The following PSMA4 variants were observed in gnomAD, a reference collection of about 807,000 sequenced individuals.
PSMA4 encodes the protein proteasome subunit alpha type-4.
PSMA4 carries 8 observed loss-of-function variants against 37.2 expected under a neutral mutation model. That is an observed-to-expected ratio of 0.22 (90% confidence interval 0.13 to 0.39). The LOEUF (loss-of-function observed/expected upper bound fraction) is 0.39, where lower values mean the gene tolerates loss of function less well. Among genes scored for constraint, PSMA4 ranks in the 10% least tolerant of loss-of-function variants. The probability of loss-of-function intolerance (pLI) is 1.00; values close to 1 mark genes in which losing one functional copy is unlikely to be tolerated. For synonymous variants in PSMA4, 93 were observed against 98.8 expected (o/e 0.94, Z 0.35); for missense variants, 169 against 305.1 (o/e 0.55, Z 3.32).
chr15:78,546,868 T>C (rs1001723229), intron 8 of PSMA4, among the ~76,000 whole-genome samples, 170 bp downstream of exon 8: 2 of 151,354 alleles, frequency 1.3e-5, no homozygotes, highest in Admixed American at 6.6e-5. Context: ...TTGGTTCAAG[T>C]GATTCTCCTG....
intron 8 of PSMA4, among the ~76,000 whole-genome samples, chr15:78,548,003 G>A (rs748405499): frequency 2.0e-5 from 3 of 152,072 alleles, no homozygotes; most frequent in Non-Finnish European, 4.4e-5. Flanking sequence ...GCCGAGGTGG[G>A]TGGATCACCT....
chr15:78,544,435 C>G (rs988334729), intron 5 of PSMA4, 168 bp downstream of exon 5: 51 of 533,360 alleles, frequency 9.6e-5, no homozygotes, highest in Admixed American at 3.4e-5. Context: ...CCTGCCTCAG[C>G]CTCCCAAGTA....
Position 78,542,602 on chromosome 15 carries a change from C to T in PSMA4, c.166C>T (p.Leu56Phe). 1.2e-6 allele frequency: 2 copies of T among 1,610,636 alleles called. No individual in the cohort carries two copies. The highest frequency in any genetic ancestry group is 1.7e-6 in the Non-Finnish European group (2 of 1,179,294). Reference protein sequence around the residue: ...AAERRNIHKLLDEVFFSEKIY... With the variant: ...AAERRNIHKLFDEVFFSEKIY... ...AGAGAGACGCAACATCCACAAGCTTCTTGATGAAGTCTTTTTTTCTGAAAA... is the reference window on the plus strand; with the variant it reads ...AGAGAGACGCAACATCCACAAGCTTTTTGATGAAGTCTTTTTTTCTGAAAA... The change falls in exon 4 of 9, where the codon CTT (leucine) becomes TTT (phenylalanine). Residue 56 changes from leucine to phenylalanine, a missense_variant. By Grantham distance (22) the Leu-to-Phe change is conservative. Coordinates refer to ENST00000044462, the MANE Select transcript of PSMA4 (RefSeq NM_002789.6).
intron 7 of PSMA4, 88 bp from the exon 8 acceptor site, chr15:78,546,487 T>C: frequency 8.4e-7 from 1 of 1,195,510 alleles, no homozygotes; most frequent in South Asian, 1.6e-5. Flanking sequence ...GTAATGCCAA[T>C]AATAATTCAG....
chr15:78,545,812 T>C (rs1366621976), intron 7 of PSMA4, 48 bp downstream of exon 7: 4 of 1,595,066 alleles, frequency 2.5e-6, no homozygotes, highest in Non-Finnish European at 3.4e-6. Flanking sequence ...GTCTAATAAC[T>C]GCCATAATTT....
chr15:78,549,133 G>A lies in PSMA4; in HGVS notation c.*189G>A. Reference sequence around the variant, plus strand: ...TGTAACGATGATGGTTACCCTTCATGGACGTCTTAATCTTCCACACACATC... The same window carrying A: ...TGTAACGATGATGGTTACCCTTCATAGACGTCTTAATCTTCCACACACATC... On this transcript the variant is annotated 3_prime_UTR_variant, in exon 9 of 9. Transcript: ENST00000044462. The A allele has an allele frequency of 1.1e-6, 1 of 887,518 alleles. No individual in the cohort carries two copies. Among genetic ancestry groups the A allele is most frequent in the Non-Finnish European group, 1.5e-6 (1 of 675,150 alleles). The allele number at this position is 887,518 out of a possible 1,614,324, so 55.0% of individuals were successfully genotyped here.
intron 4 of PSMA4, chr15:78,543,940 A>G (rs566444637): frequency 7.2e-5 from 27 of 374,778 alleles, no homozygotes; most frequent in South Asian, 1.6e-4. Flanking sequence ...TTGTTATCCT[A>G]TTCATAGGTG....
At chr15:78,545,859 G>A (rs945244211) in intron 7 of PSMA4, 95 bp downstream of exon 7, 4 of 1,322,096 alleles carry the variant, frequency 3.0e-6, no homozygotes, top group African/African-American at 2.9e-5. Flanking sequence ...TTTTAAGATA[G>A]CTGCAACAAC....
rs375898359 is a variant in PSMA4, at chr15:78,551,470, T to C, written c.*2526T>C. ...CCTCATCTCCAGGTCTCTGCTTGCATGTCACCTTTTTTGGGGTACTTCTGT... is the reference window on the plus strand; with the variant it reads ...CCTCATCTCCAGGTCTCTGCTTGCACGTCACCTTTTTTGGGGTACTTCTGT... On this transcript the variant is annotated 3_prime_UTR_variant, in exon 9 of 9. Coordinates refer to ENST00000044462, the MANE Select transcript of PSMA4 (RefSeq NM_002789.6). The C allele has an allele frequency of 6.6e-6, 1 of 152,030 alleles. No individual in the cohort carries two copies. The highest frequency in any genetic ancestry group is 2.0e-4 in the East Asian group (1 of 5,124). 9.4% of individuals were successfully genotyped at this position (152,030 alleles called of 1,614,324 possible).
chr15:78,550,721 C>T lies in PSMA4; in HGVS notation c.*1777C>T, dbSNP rs987078507. ...AAAATAAACGGCACAAGGTAGACTG[C>T]AGGAACACTTACACGGTGTGAGAGC... is the stretch of plus-strand genomic sequence containing the variant. On this transcript the variant is annotated 3_prime_UTR_variant, in exon 9 of 9. Coordinates refer to ENST00000044462, the MANE Select transcript of PSMA4 (RefSeq NM_002789.6). 2.0e-5 allele frequency: 3 copies of T among 151,044 alleles called. No homozygotes were observed. Among genetic ancestry groups the T allele is most frequent in the African/African-American group, 7.4e-5 (3 of 40,516 alleles). 9.4% of individuals were successfully genotyped at this position (151,044 alleles called of 1,614,324 possible). A position where few individuals can be genotyped will look rare whatever the true frequency, so the allele number is the denominator to read the frequency against.
At chr15:78,544,542 GCCT>G in intron 5 of PSMA4, 1 of 410,188 alleles carries the variant, frequency 2.4e-6, no homozygotes, top group South Asian at 3.4e-5. Context: ...CTCGTGATCC[GCCT>G]GCCTTGGCCT....
At chr15:78,548,034 A>G (rs1270653049) in intron 8 of PSMA4, among the ~76,000 whole-genome samples, 1 of 152,066 alleles carries the variant, frequency 6.6e-6, no homozygotes, top group East Asian at 1.9e-4. Context: ...GTTCAAGACC[A>G]GGTTGGCCAA....
At chr15:78,540,437 G>T (rs2052421168), upstream of PSMA4, 1 of 152,396 alleles carries the variant, frequency 6.6e-6, no homozygotes, top group African/African-American at 2.4e-5. Context: ...GCGCATGCGC[G>T]GGGGCCATAT....
At position 78,544,253 on chromosome 15, in the gene PSMA4, G is replaced by A; in HGVS notation, c.273G>A (p.Arg91=). 6.2e-7 allele frequency: 1 copy of A among 1,610,968 alleles called. No homozygotes were observed. Among genetic ancestry groups the A allele is most frequent in the Non-Finnish European group, 8.5e-7 (1 of 1,177,588 alleles). Residue 91 remains arginine (R), a synonymous_variant, in exon 5 of 9, where the codon AGG becomes AGA. Coordinates refer to ENST00000044462, the MANE Select transcript of PSMA4 (RefSeq NM_002789.6). The part of the protein sequence containing the change: ...SDANVLTNEL[R]LIAQRYLLQY... ...CTAATGTTCTGACTAATGAACTAAG[G>A]CTCATTGCTCAAAGGTATGGTCATA...
chr15:78,542,086 C>A, intron 2 of PSMA4, 91 bp from the exon 3 acceptor site: 1 of 1,473,914 alleles, frequency 6.8e-7, no homozygotes, highest in Non-Finnish European at 9.4e-7. Context: ...ACTTTGTATA[C>A]CAGGATAGGT....
At chr15:78,540,703 TGGCCCCCGCC>T (rs965303092) in intron 1 of PSMA4, 164 bp downstream of exon 1, 1 of 152,182 alleles carries the variant, frequency 6.6e-6, no homozygotes, top group African/African-American at 2.4e-5. Flanking sequence ...CCGCCGGGAA[TGGCCCCCGCC>T]GGCCGCCGTC....
chr15:78,542,138 T>G, intron 2 of PSMA4, 39 bp from the exon 3 acceptor site: 1 of 1,601,294 alleles, frequency 6.2e-7, no homozygotes, highest in Admixed American at 1.7e-5. Flanking sequence ...TGGCCTACTT[T>G]CAGTGGGTAG....
At chr15:78,541,740 T>C in intron 1 of PSMA4, 165 bp from the exon 2 acceptor site, 1 of 628,498 alleles carries the variant, frequency 1.6e-6, no homozygotes, top group Non-Finnish European at 2.8e-6. Flanking sequence ...AGTATTAGCT[T>C]TTCAGGACAG....
intron 1 of PSMA4, 94 bp from the exon 2 acceptor site, chr15:78,541,811 A>G: frequency 9.5e-7 from 1 of 1,052,576 alleles, no homozygotes; most frequent in Middle Eastern, 2.8e-4. Flanking sequence ...ACTTAGCTGA[A>G]TAAAGGGAGT....
Sources: gnomAD v4.1 joint callset for allele counts (sites outside exome capture counted in the v4.1 genomes callset) on GRCh38, gnomAD v4.1.1 for gene constraint, MANE v1.5 for transcripts, NCBI Gene and HGNC (gene_info 2026-07-23, HGNC 2026-07-21) for gene names.